The following HERC1 variants were observed in gnomAD, a reference collection of about 807,000 sequenced individuals.
HERC1 encodes HECT and RLD domain containing E3 ubiquitin protein ligase family member 1.
A neutral mutation model predicts 554.3 loss-of-function variants in HERC1; 160 were observed. That is an observed-to-expected ratio of 0.29 (90% confidence interval 0.25 to 0.33). HERC1 has a LOEUF of 0.33. Among genes scored for constraint, HERC1 ranks in the 10% least tolerant of loss-of-function variants. The pLI, the probability that HERC1 is intolerant of heterozygous loss-of-function variation, is 1.00. For synonymous variants in HERC1, 2,175 were observed against 2,131.7 expected, an observed-to-expected ratio of 1.02 and a Z score of -0.56; for missense variants, 4,919 against 5,918.5, an observed-to-expected ratio of 0.83 and a Z score of 5.54.
chr15:63,637,811 C>A (rs1278090684), intron 63 of HERC1, among the ~76,000 whole-genome samples, 168 bp from the exon 64 acceptor site: 3 of 151,602 alleles, frequency 2.0e-5, no homozygotes, highest in African/African-American at 7.3e-5. Context: ...TCCTTGATGA[C>A]TATAAAACTG....
At chr15:63,689,034 C>G (rs1182116643) in intron 33 of HERC1, among the ~76,000 whole-genome samples, 1 of 152,164 alleles carries the variant, frequency 6.6e-6, no homozygotes, top group Non-Finnish European at 1.5e-5. Flanking sequence ...GGATCAAACT[C>G]TGTGGAACAC....
chr15:63,693,460 T>A (rs2072237664), intron 30 of HERC1, among the ~76,000 whole-genome samples: 1 of 152,056 alleles, frequency 6.6e-6, no homozygotes, highest in South Asian at 2.1e-4. Flanking sequence ...CCCAGGCTGA[T>A]CTTGAACTCC....
At chr15:63,753,901 C>T (rs112681509) in intron 7 of HERC1, among the ~76,000 whole-genome samples, 2 of 152,198 alleles carry the variant, frequency 1.3e-5, no homozygotes, top group Admixed American at 6.5e-5. Flanking sequence ...ATGCCGGGCA[C>T]GGAGGTTCAT....
chr15:63,611,601 T>C (rs1289563727), intron 77 of HERC1, among the ~76,000 whole-genome samples: 2 of 152,246 alleles, frequency 1.3e-5, no homozygotes, highest in East Asian at 3.9e-4. Flanking sequence ...GGTTAATATT[T>C]TCATGAAAAC....
intron 2 of HERC1, among the ~76,000 whole-genome samples, chr15:63,772,791 C>G (rs1034457800): frequency 1.3e-5 from 2 of 152,102 alleles, no homozygotes; most frequent in African/African-American, 4.8e-5. Flanking sequence ...ATATCCCAAA[C>G]AAAGCACGGC....
At chr15:63,673,655 T>C (rs952035135) in intron 38 of HERC1, among the ~76,000 whole-genome samples, 18 of 152,224 alleles carry the variant, frequency 1.2e-4, no homozygotes, top group Admixed American at 2.0e-4. Context: ...ACATGCAATA[T>C]GCAGCCTATG....
chr15:63,637,513 G>A lies in HERC1; in HGVS notation c.12224C>T (p.Ala4075Val). Residue 4075 changes from alanine to valine, a missense_variant, in exon 64 of 78, where the codon GCC becomes GTC. Coordinates refer to ENST00000443617, the MANE Select transcript of HERC1 (RefSeq NM_003922.4). The stretch of plus-strand genomic sequence containing the variant: ...ATTAAGGACAATTTTACCTTGTAAG[G>A]CTGAAATAACTGTCAGCACATGAAG... The part of the protein sequence containing the change: ...DDLHVLTVIS[A>V]LQGFVVTQLV... 2 of 1,568,478 alleles carry A rather than the reference G, an allele frequency of 1.3e-6. No individual in the cohort carries two copies. Among genetic ancestry groups the A allele is most frequent in the Admixed American group, 1.9e-5 (1 of 53,022 alleles).
At position 63,686,632 on chromosome 15, in the gene HERC1, T is replaced by C. The variant is rs563262865; in HGVS notation, c.6049-97A>G. 8 of 977,310 alleles carry C rather than the reference T, an allele frequency of 8.2e-6. No individual in the cohort carries two copies. In the South Asian group the frequency reaches 1.3e-4, roughly 16 times the overall value. 60.5% of individuals were successfully genotyped at this position (977,310 alleles called of 1,614,324 possible). A position where few individuals can be genotyped will look rare whatever the true frequency, so the allele number is the denominator to read the frequency against. On this transcript the variant is annotated intron_variant, in intron 33 of 77. Coordinates refer to ENST00000443617, the MANE Select transcript of HERC1 (RefSeq NM_003922.4). ...TTGGTTTTATCCTACAAATATTTAT[T>C]ATGTATCTACTATGAATCAGTTACT...
chr15:63,678,445 CCCATGTTGAA>C (rs2071312408), intron 36 of HERC1, 80 bp from the exon 37 acceptor site: 2 of 1,435,736 alleles, frequency 1.4e-6, no homozygotes, highest in Non-Finnish European at 1.8e-6. Context: ...CATGTAGAAT[CCCATGTTGAA>C]CTAGTATTTG....
In HERC1 at chr15:63,816,487, C is replaced by A. The variant is rs139251249; in HGVS notation, c.-27+17340G>T. ...CAAGAAACTAGTAACTACTGCCCTG[C>A]ACAAATTACTTTTGAAATTTCTGAA... is the stretch of plus-strand genomic sequence containing the variant. On this transcript the variant is annotated intron_variant, in intron 1 of 77. Transcript: ENST00000443617. 1.8e-3 allele frequency among the ~76,000 whole-genome samples: 279 copies of A among 152,298 alleles called. 1 individual carries two copies. The highest frequency in any genetic ancestry group is 6.3e-3 in the African/African-American group (262 of 41,568).
At position 63,774,956 on chromosome 15, in the gene HERC1, G is replaced by A. The variant is rs1308670319; in HGVS notation, c.668C>T (p.Ser223Leu). 2.5e-6 allele frequency: 4 copies of A among 1,613,846 alleles called. No homozygotes were observed. The African/African-American group carries it at 4.0e-5, about 16-fold the overall frequency. Residue 223 changes from serine to leucine, a missense_variant, in exon 2 of 78, where the codon TCG becomes TTG. Around this residue, in one of 11 missense-constraint regions of HERC1, gnomAD observed 744 missense variants for 1,090.0 expected, o/e 0.68. Transcript: ENST00000443617. ...KIPPMGLDCLSQVTTFLKGVT... is the reference protein window; with the variant it reads ...KIPPMGLDCLLQVTTFLKGVT... The stretch of plus-strand genomic sequence containing the variant: ...TCCTTTAAGAAATGTTGTTACTTGC[G>A]ATAAGCAGTCCAAGCCCATAGGAGG...
intron 57 of HERC1, among the ~76,000 whole-genome samples, chr15:63,644,407 G>GA (rs906756476): frequency 4.6e-5 from 7 of 151,912 alleles, no homozygotes; most frequent in Non-Finnish European, 7.4e-5. Context: ...AGCATCTATA[G>GA]AAAAAATAAA....
chr15:63,801,713 T>C (rs56045405), intron 1 of HERC1, among the ~76,000 whole-genome samples: 4,695 of 152,300 alleles, frequency 0.031, 97 homozygotes, highest in African/African-American at 0.065. Context: ...CATATTATCT[T>C]ACTCTGAACT....
chr15:63,647,322 T>C (rs1359151244), intron 55 of HERC1, among the ~76,000 whole-genome samples: 2 of 149,032 alleles, frequency 1.3e-5, no homozygotes, highest in Non-Finnish European at 3.0e-5. Context: ...CCAGTCAGGA[T>C]GGTTATTATT....
chr15:63,699,155 T>C (rs1230845804), intron 25 of HERC1, among the ~76,000 whole-genome samples, 159 bp from the exon 26 acceptor site: 1 of 152,194 alleles, frequency 6.6e-6, no homozygotes, highest in East Asian at 1.9e-4. Flanking sequence ...GCAAAATGCT[T>C]TGGTAAAAAC....
chr15:63,631,955 T>C (rs2068580090), intron 68 of HERC1, among the ~76,000 whole-genome samples: 1 of 152,190 alleles, frequency 6.6e-6, no homozygotes. Context: ...ATGATACGAA[T>C]AAGGATTTAA....
chr15:63,615,968 G>A (rs1436441155), intron 75 of HERC1, 48 bp from the exon 76 acceptor site: 3 of 1,455,052 alleles, frequency 2.1e-6, no homozygotes, highest in East Asian at 5.0e-5. Context: ...AGAAATGACA[G>A]CAAAAAGTAT....
rs139906239 is a variant in HERC1 at position 63,677,529 on chromosome 15, A to T, written c.7070+316T>A. Among the ~76,000 whole-genome samples, 103 of 152,358 alleles carry T rather than the reference A, an allele frequency of 6.8e-4. No individual in the cohort carries two copies. Among genetic ancestry groups the T allele is most frequent in the African/African-American group, 2.3e-3 (97 of 41,582 alleles). ...GCCAGTGTGTAACAGAAATGATCAA[A>T]ATGCAAAAAGCCAAATGAAAATTGG... On this transcript the variant is annotated intron_variant, in intron 37 of 77. Transcript: ENST00000443617. The surrounding 1 kb of genome is among the most constrained non-coding windows in gnomAD (Gnocchi z 4.4).
At chr15:63,711,321 A>G (rs1200188157) in intron 24 of HERC1, among the ~76,000 whole-genome samples, 8 of 152,152 alleles carry the variant, frequency 5.3e-5, no homozygotes, top group Admixed American at 5.2e-4. Context: ...TCTCAAAAAA[A>G]AGGGAAATTA....
Sources: gnomAD v4.1 joint callset for allele counts (sites outside exome capture counted in the v4.1 genomes callset) on GRCh38, gnomAD v4.1.1 for gene constraint, gnomAD v4.1.1 regional missense constraint, Gnocchi (gnomAD v3.1) non-coding constraint, MANE v1.5 for transcripts, NCBI Gene and HGNC (gene_info 2026-07-23, HGNC 2026-07-21) for gene names.